RSU1: variants seen among roughly 807,000 people sequenced by gnomAD.
The protein encoded by RSU1 is rsu-1.
RSU1 carries 26 observed loss-of-function variants against 31.1 expected under a neutral mutation model. The ratio of observed to expected loss-of-function variants is 0.84; its 90% CI spans 0.61 to 1.16. The LOEUF (loss-of-function observed/expected upper bound fraction) is 1.16, where lower values mean the gene tolerates loss of function less well. Among genes scored for constraint, RSU1 ranks in the 50% most tolerant of loss-of-function variants. The pLI is 0.00. For missense variants in RSU1, 320 were observed against 339.1 expected, an observed-to-expected ratio of 0.94 and a Z score of 0.44; for synonymous variants, 164 against 136.3, an observed-to-expected ratio of 1.20 and a Z score of -1.41.
At chr10:16,711,694 T>C (rs1836022505) in intron 7 of RSU1, among the ~76,000 whole-genome samples, 1 of 152,202 alleles carries the variant, frequency 6.6e-6, no homozygotes, top group Admixed American at 6.5e-5. Context: ...TTTCAAAGTA[T>C]CCAAAGTTGC....
chr10:16,723,824 G>C (rs1474356496), intron 7 of RSU1, among the ~76,000 whole-genome samples: 1 of 152,160 alleles, frequency 6.6e-6, no homozygotes, highest in Non-Finnish European at 1.5e-5. Flanking sequence ...AGGAAACTCA[G>C]TCCACCCGTG....
Position 16,811,844 on chromosome 10 carries a change from G to C in RSU1, c.109+5129C>G, listed in dbSNP as rs572823646. 1.9e-4 allele frequency among the ~76,000 whole-genome samples: 29 copies of C among 152,276 alleles called. No homozygotes were observed. The South Asian group carries it at 2.7e-3, about 14-fold the overall frequency. On this transcript the variant is annotated intron_variant, in intron 2 of 8. Coordinates refer to ENST00000345264, the MANE Select transcript of RSU1 (RefSeq NM_012425.4). ...GCCAACCTGAATCTCTTAACTAAAA[G>C]CAGTAACATTCCTTCTTCAATAAAT...
At chr10:16,670,648 C>G (rs561485272) in intron 8 of RSU1, among the ~76,000 whole-genome samples, 260 of 152,324 alleles carry the variant, frequency 1.7e-3, no homozygotes, top group Non-Finnish European at 3.0e-3. Flanking sequence ...TTAAGGGTCT[C>G]CCAAAACCTC....
intron 7 of RSU1, among the ~76,000 whole-genome samples, chr10:16,698,504 C>T (rs754377828): frequency 4.6e-5 from 7 of 152,076 alleles, no homozygotes; most frequent in Non-Finnish European, 1.0e-4. Flanking sequence ...AAATAATGTA[C>T]TAAAGTTCTA....
intron 8 of RSU1, among the ~76,000 whole-genome samples, chr10:16,686,742 GAC>G (rs1835446622): frequency 6.6e-6 from 1 of 152,120 alleles, no homozygotes; most frequent in Non-Finnish European, 1.5e-5. Context: ...GGAGGAGAGA[GAC>G]ACACACAGAG....
intron 2 of RSU1, among the ~76,000 whole-genome samples, chr10:16,802,018 G>C (rs1838166041): frequency 6.6e-6 from 1 of 151,520 alleles, no homozygotes; most frequent in Non-Finnish European, 1.5e-5. Context: ...TTCTACCCTA[G>C]AAAACAAGAA....
chr10:16,809,144 AC>A (rs1357194264), intron 2 of RSU1, among the ~76,000 whole-genome samples: 1 of 152,198 alleles, frequency 6.6e-6, no homozygotes, highest in Non-Finnish European at 1.5e-5. Flanking sequence ...AGCACCTCAA[AC>A]CTGAAATACT....
chr10:16,616,385 A>C lies in RSU1; in HGVS notation c.732-22889T>G, dbSNP rs1275061577. Among the ~76,000 whole-genome samples, 3 of 150,248 alleles carry C rather than the reference A, an allele frequency of 2.0e-5. No individual in the cohort carries two copies. In the East Asian group the frequency reaches 5.8e-4, roughly 29 times the overall value. ...AGCCTACCAACCAAAAAAAAAAAAA[A>C]AAAAAAAAAACCCCAGGACCAGATG... On this transcript the variant is annotated intron_variant, in intron 8 of 8. Coordinates refer to ENST00000345264, the MANE Select transcript of RSU1 (RefSeq NM_012425.4).
At chr10:16,673,337 A>T (rs1050157449) in intron 8 of RSU1, among the ~76,000 whole-genome samples, 4 of 152,240 alleles carry the variant, frequency 2.6e-5, no homozygotes, top group Non-Finnish European at 4.4e-5. Context: ...CTCCAACATG[A>T]ACAGAGCAGC....
At chr10:16,762,080 G>C (rs1837220994) in intron 4 of RSU1, among the ~76,000 whole-genome samples, 1 of 151,980 alleles carries the variant, frequency 6.6e-6, no homozygotes, top group Admixed American at 6.6e-5. Flanking sequence ...GTCTGTTCCT[G>C]TTTATAACCA....
At chr10:16,646,560 G>A (rs1564298968) in intron 8 of RSU1, among the ~76,000 whole-genome samples, 2 of 152,066 alleles carry the variant, frequency 1.3e-5, no homozygotes, top group South Asian at 2.1e-4. Context: ...GTAGCTCCCC[G>A]AACACTTTAT....
intron 2 of RSU1, among the ~76,000 whole-genome samples, chr10:16,800,952 G>A (rs749977852): frequency 3.1e-5 from 4 of 128,528 alleles, no homozygotes; most frequent in African/African-American, 1.1e-4. Context: ...AGCAGAAAAA[G>A]AGCAGAAGAC....
intron 7 of RSU1, among the ~76,000 whole-genome samples, chr10:16,713,024 T>G (rs944882775): frequency 1.3e-5 from 2 of 152,218 alleles, no homozygotes; most frequent in Non-Finnish European, 2.9e-5. Flanking sequence ...TTCAGCACTT[T>G]GAATATATCA....
chr10:16,637,102 C>CA (rs1332217867), intron 8 of RSU1, among the ~76,000 whole-genome samples: 1 of 152,222 alleles, frequency 6.6e-6, no homozygotes, highest in Non-Finnish European at 1.5e-5. Flanking sequence ...AGATAAACCA[C>CA]ATTATTAACA....
chr10:16,677,084 C>T (rs969401816), intron 8 of RSU1, among the ~76,000 whole-genome samples: 4 of 152,282 alleles, frequency 2.6e-5, no homozygotes, highest in Admixed American at 1.3e-4. Context: ...CATGTACATT[C>T]CCCTAAACTT....
chr10:16,760,654 C>T (rs1368965072), intron 4 of RSU1, among the ~76,000 whole-genome samples: 2 of 152,070 alleles, frequency 1.3e-5, no homozygotes, highest in East Asian at 3.9e-4. Context: ...TTGTATTTTT[C>T]AGCTGCCCAA....
intron 2 of RSU1, among the ~76,000 whole-genome samples, chr10:16,797,767 A>G (rs1344039659): frequency 6.6e-6 from 1 of 152,182 alleles, no homozygotes; most frequent in Non-Finnish European, 1.5e-5. Context: ...TTATTTCAGA[A>G]ATGAAAGCTA....
chr10:16,815,205 C>T (rs1372817623), intron 2 of RSU1, among the ~76,000 whole-genome samples: 11 of 152,224 alleles, frequency 7.2e-5, no homozygotes, highest in African/African-American at 2.2e-4. Flanking sequence ...AGGACCCTTA[C>T]GGAATGCAAG....
At chr10:16,679,178 C>T (rs937508832) in intron 8 of RSU1, among the ~76,000 whole-genome samples, 1 of 152,106 alleles carries the variant, frequency 6.6e-6, no homozygotes, top group African/African-American at 2.4e-5. Flanking sequence ...ACTCCAGACC[C>T]CAGAATGGTC....
Sources: allele counts gnomAD v4.1 joint callset (sites outside exome capture counted in the v4.1 genomes callset), GRCh38; gene constraint gnomAD v4.1.1; transcripts MANE v1.5; gene names NCBI Gene and HGNC (gene_info 2026-07-23, HGNC 2026-07-21).